Variants in SYNPR observed in about 807,000 individuals in gnomAD.
The protein encoded by SYNPR is synaptoporin.
SYNPR carries 23 observed loss-of-function variants against 32.9 expected under a neutral mutation model. The observed-to-expected ratio is 0.70, with a 90% CI of 0.50 to 0.99. SYNPR has a LOEUF of 0.99. SYNPR is among the 50% of genes least tolerant of loss of function. The probability of loss-of-function intolerance (pLI) is 0.00; values close to 1 mark genes in which losing one functional copy is unlikely to be tolerated. For synonymous variants in SYNPR, 146 were observed against 135.9 expected (o/e 1.07, Z -0.52); for missense variants, 318 against 349.3 (o/e 0.91, Z 0.71).
chr3:63,247,780 C>T (rs1017307329), intron 1 of SYNPR, among the ~76,000 whole-genome samples: 24 of 152,202 alleles, frequency 1.6e-4, no homozygotes, highest in Middle Eastern at 3.4e-3. Flanking sequence ...AGCGAGTCAG[C>T]CTAAATACCG....
chr3:63,373,900 A>T (rs2087850746), intron 2 of SYNPR, among the ~76,000 whole-genome samples: 1 of 152,234 alleles, frequency 6.6e-6, no homozygotes, highest in Non-Finnish European at 1.5e-5. Flanking sequence ...AAACTGTCTA[A>T]TCCAGAAGAG....
intron 3 of SYNPR, among the ~76,000 whole-genome samples, chr3:63,484,249 T>C (rs1219281505): frequency 6.6e-6 from 1 of 152,174 alleles, no homozygotes; most frequent in African/African-American, 2.4e-5. Context: ...TTTTCCTTAT[T>C]ATTTGTGATT....
intron 4 of SYNPR, among the ~76,000 whole-genome samples, chr3:63,564,748 C>T (rs116324473): frequency 0.01 from 1,592 of 152,214 alleles, 22 homozygotes; most frequent in African/African-American, 0.03. Flanking sequence ...AGCTTTTTAA[C>T]GATTAGTGAA....
At chr3:63,510,937 G>C (rs191251005) in intron 3 of SYNPR, among the ~76,000 whole-genome samples, 1 of 69,610 alleles carries the variant, frequency 1.4e-5, no homozygotes, top group Non-Finnish European at 3.8e-5. Flanking sequence ...GTGTGTGTGC[G>C]CGCACGTTGT....
chr3:63,512,354 C>T (rs1196053974), intron 3 of SYNPR, among the ~76,000 whole-genome samples: 3 of 152,074 alleles, frequency 2.0e-5, no homozygotes, highest in Non-Finnish European at 4.4e-5. Flanking sequence ...ATGTAATATC[C>T]TCTTGACAAC....
the SYNPR span, among the ~76,000 whole-genome samples, chr3:63,211,708 C>CTT: frequency 0.39 from 56,774 of 146,576 alleles, 11,930 homozygotes; most frequent in Admixed American, 0.5. Flanking sequence ...TTGAATCTTT[C>CTT]TTTTTTTTTT....
intron 3 of SYNPR, among the ~76,000 whole-genome samples, chr3:63,551,871 ATTTATTTATTTATT>A (rs1702507549): frequency 3.5e-5 from 1 of 28,576 alleles, no homozygotes; most frequent in African/African-American, 1.5e-4. Flanking sequence ...GCATCTAGCT[ATTTATTTATTTATT>A]TATTTATTTA....
intron 1 of SYNPR, among the ~76,000 whole-genome samples, chr3:63,249,326 T>C (rs796930262): frequency 3.9e-5 from 6 of 152,274 alleles, no homozygotes; most frequent in African/African-American, 1.4e-4. Flanking sequence ...GGCACTTCTA[T>C]ACAAGATTGC....
At chr3:63,393,600 C>T (rs139719183) in intron 2 of SYNPR, among the ~76,000 whole-genome samples, 1 of 149,864 alleles carries the variant, frequency 6.7e-6, no homozygotes, top group African/African-American at 2.5e-5. Flanking sequence ...TGGGCTCAAG[C>T]CATTCTCCCA....
At chr3:63,456,157 C>T (rs1415930421) in intron 2 of SYNPR, among the ~76,000 whole-genome samples, 3 of 152,056 alleles carry the variant, frequency 2.0e-5, no homozygotes, top group East Asian at 1.9e-4. Context: ...AAAGACTTAT[C>T]TCCATGATTC....
At chr3:63,298,742 C>A (rs145778827) in intron 2 of SYNPR, among the ~76,000 whole-genome samples, 7 of 152,162 alleles carry the variant, frequency 4.6e-5, no homozygotes, top group African/African-American at 1.7e-4. Flanking sequence ...CCAGGAAACA[C>A]TGGTAAGGGA....
At chr3:63,573,391 G>C (rs767164608) in intron 4 of SYNPR, among the ~76,000 whole-genome samples, 3 of 151,980 alleles carry the variant, frequency 2.0e-5, no homozygotes, top group Non-Finnish European at 4.4e-5. Flanking sequence ...CTCAAGATAA[G>C]AAGTCTATTA....
At chr3:63,435,974 C>T (rs1464375905) in intron 2 of SYNPR, among the ~76,000 whole-genome samples, 4 of 152,162 alleles carry the variant, frequency 2.6e-5, no homozygotes, top group African/African-American at 9.7e-5. Context: ...TTCCTTTCAG[C>T]AGGGACCATG....
rs562438422 is a variant in SYNPR, at chr3:63,477,264, G to A, written c.85-3568G>A. The stretch of plus-strand genomic sequence containing the variant: ...CTGTGTCTTGATGTATTCCAATTAC[G>A]GGACCAGGCCACTGGCAGATTTTCT... On this transcript the variant is annotated intron_variant, in intron 2 of 5. Coordinates refer to ENST00000478300, the MANE Select transcript of SYNPR (RefSeq NM_001130003.2). Among the ~76,000 whole-genome samples, 90 of 152,204 alleles carry A rather than the reference G, an allele frequency of 5.9e-4. 1 individual carries two copies. In the South Asian group the frequency reaches 0.015, roughly 26 times the overall value.
At chr3:63,274,318 GT>G (rs1464013593), upstream of SYNPR, among the ~76,000 whole-genome samples, 1 of 152,154 alleles carries the variant, frequency 6.6e-6, no homozygotes, top group Non-Finnish European at 1.5e-5. Flanking sequence ...TGGTAGTTTG[GT>G]TTGTATAGTT....
chr3:63,202,788 G>C, the SYNPR span, among the ~76,000 whole-genome samples: 1 of 151,822 alleles, frequency 6.6e-6, no homozygotes, highest in South Asian at 2.1e-4. Flanking sequence ...AACATGTTTT[G>C]ACTCCCCAAG....
chr3:63,610,782 A>T (rs895793635), intron 5 of SYNPR, among the ~76,000 whole-genome samples: 3 of 152,216 alleles, frequency 2.0e-5, no homozygotes, highest in Admixed American at 6.5e-5. Context: ...TTTAATAACT[A>T]ATCTCCCAAT....
upstream of SYNPR, among the ~76,000 whole-genome samples, chr3:63,275,143 C>A (rs753888332): frequency 5.3e-5 from 8 of 152,198 alleles, no homozygotes; most frequent in Non-Finnish European, 2.9e-5. Context: ...AATTATCTTT[C>A]ATCATCTTGG....
At chr3:63,501,106 T>C (rs17068844) in intron 3 of SYNPR, among the ~76,000 whole-genome samples, 43,349 of 152,038 alleles carry the variant, frequency 0.29, 7,161 homozygotes, top group African/African-American at 0.46. Context: ...ATGAGCATTA[T>C]TATTCGCACT....
Sources: gnomAD v4.1 joint callset for allele counts (sites outside exome capture counted in the v4.1 genomes callset) on GRCh38, gnomAD v4.1.1 for gene constraint, MANE v1.5 for transcripts, NCBI Gene and HGNC (gene_info 2026-07-23, HGNC 2026-07-21) for gene names.